The following PTPRK variants were observed in gnomAD, a reference collection of about 807,000 sequenced individuals.
PTPRK encodes protein tyrosine phosphatase receptor type K.
PTPRK carries 75 observed loss-of-function variants against 178.0 expected under a neutral mutation model. The observed-to-expected ratio is 0.42, with a 90% CI of 0.35 to 0.51. The LOEUF is 0.51. PTPRK is among the 20% of genes least tolerant of loss of function. The pLI is 0.02. For synonymous variants in PTPRK, 637 were observed against 620.6 expected (o/e 1.03, Z -0.39); for missense variants, 1,441 against 1,797.8 (o/e 0.80, Z 3.59).
intron 1 of PTPRK, among the ~76,000 whole-genome samples, chr6:128,447,116 T>C (rs1297454710): frequency 6.6e-6 from 1 of 152,202 alleles, no homozygotes; most frequent in East Asian, 1.9e-4. Flanking sequence ...GAAAAAAAGA[T>C]AGCATCACTC....
rs535904121 is a variant in PTPRK, at chr6:128,050,227, G to A, written c.2194+14531C>T. ...AGAGAACTGAACCTAAAGACAGTGA[G>A]CATGCAAGTTGCACAATGATCCTGT... On this transcript the variant is annotated intron_variant, in intron 13 of 29. Coordinates refer to ENST00000368226, the MANE Select transcript of PTPRK (RefSeq NM_002844.4). 4.7e-4 allele frequency among the ~76,000 whole-genome samples: 71 copies of A among 152,268 alleles called. No individual in the cohort carries two copies. The South Asian group carries it at 0.014, about 30-fold the overall frequency.
intron 1 of PTPRK, among the ~76,000 whole-genome samples, chr6:128,438,861 T>C (rs1845939769): frequency 6.6e-6 from 1 of 152,074 alleles, no homozygotes; most frequent in Non-Finnish European, 1.5e-5. Context: ...ACACAAAAAA[T>C]ACTTCCAATA....
At chr6:128,092,391 G>C (rs990512374) in intron 7 of PTPRK, among the ~76,000 whole-genome samples, 10 of 152,058 alleles carry the variant, frequency 6.6e-5, no homozygotes, top group Admixed American at 5.9e-4. Flanking sequence ...ATCAAAACTT[G>C]ATTGTTTTGA....
intron 7 of PTPRK, among the ~76,000 whole-genome samples, chr6:128,142,889 C>A (rs1795977124): frequency 6.6e-6 from 1 of 151,938 alleles, no homozygotes; most frequent in Admixed American, 6.6e-5. Flanking sequence ...TAAACCAAAA[C>A]CAAGTAGAGA....
rs150563283 is a variant in PTPRK, at chr6:128,314,196, T to G, written c.495+7843A>C. Among the ~76,000 whole-genome samples the G allele has an allele frequency of 3.2e-3, 484 of 152,300 alleles. 2 individuals carry two copies. The highest frequency in any genetic ancestry group is 0.011 in the African/African-American group (443 of 41,574). On this transcript the variant is annotated intron_variant, in intron 3 of 29. Coordinates refer to ENST00000368226, the MANE Select transcript of PTPRK (RefSeq NM_002844.4). ...GTTTCTAAGACTTCTGCTTTCATAT[T>G]TTTTAAATTTTAATTATTTCTTTAG...
intron 13 of PTPRK, 62 bp downstream of exon 13, chr6:128,064,696 T>G (rs1781450186): frequency 1.9e-6 from 3 of 1,546,388 alleles, no homozygotes; most frequent in Admixed American, 2.3e-5. Flanking sequence ...GGGAACAAAG[T>G]CCTTCCATTT....
intron 7 of PTPRK, among the ~76,000 whole-genome samples, chr6:128,098,179 C>A (rs573459431): frequency 6.6e-6 from 1 of 152,120 alleles, no homozygotes; most frequent in South Asian, 2.1e-4. Flanking sequence ...AGCTTAAAAG[C>A]TAATGAAAAT....
At chr6:128,005,954 T>G in intron 14 of PTPRK, 2 of 1,194,222 alleles carry the variant, frequency 1.7e-6, no homozygotes, top group Non-Finnish European at 2.3e-6. Flanking sequence ...GCAAGCATTC[T>G]GTTTTGTTTT....
chr6:128,236,404 A>G (rs1813280066), intron 5 of PTPRK, among the ~76,000 whole-genome samples: 1 of 135,254 alleles, frequency 7.4e-6, no homozygotes, highest in Non-Finnish European at 1.5e-5. Flanking sequence ...GCTGGAGTGC[A>G]GTGGCATGAT....
chr6:128,159,696 C>T (rs954664549), intron 7 of PTPRK, among the ~76,000 whole-genome samples: 6 of 151,624 alleles, frequency 4.0e-5, no homozygotes, highest in South Asian at 2.1e-4. Flanking sequence ...TACAGATGGA[C>T]GTAAACTTGT....
chr6:128,393,687 G>C (rs1036763335), intron 2 of PTPRK, among the ~76,000 whole-genome samples: 1 of 152,216 alleles, frequency 6.6e-6, no homozygotes, highest in Non-Finnish European at 1.5e-5. Flanking sequence ...TATTTATTTA[G>C]TAGGGAGGAG....
At chr6:128,120,104 T>C (rs1344068253) in intron 7 of PTPRK, among the ~76,000 whole-genome samples, 1 of 151,996 alleles carries the variant, frequency 6.6e-6, no homozygotes, top group East Asian at 1.9e-4. Context: ...ACTTTTCAAT[T>C]TGATAATATT....
At chr6:128,385,301 G>A (rs1162180161) in intron 2 of PTPRK, among the ~76,000 whole-genome samples, 3 of 151,682 alleles carry the variant, frequency 2.0e-5, no homozygotes, top group Non-Finnish European at 4.4e-5. Context: ...ACAACCGCAG[G>A]GATTCACTTC....
intron 1 of PTPRK, among the ~76,000 whole-genome samples, chr6:128,461,511 C>A (rs958727921): frequency 6.6e-6 from 1 of 151,848 alleles, no homozygotes; most frequent in African/African-American, 2.4e-5. Context: ...GATGAAAGCA[C>A]CTGGCCACAA....
chr6:128,471,604 TA>T (rs34372021), intron 1 of PTPRK, among the ~76,000 whole-genome samples: 8,773 of 63,600 alleles, frequency 0.14, 977 homozygotes, highest in East Asian at 0.58. Context: ...CAAAACAACC[TA>T]AAAAAAAAAA....
chr6:128,512,857 A>C (rs1246508400), intron 1 of PTPRK, among the ~76,000 whole-genome samples: 1 of 152,204 alleles, frequency 6.6e-6, no homozygotes, highest in African/African-American at 2.4e-5. Context: ...TGAGCTCCTT[A>C]CTACAAAGAT....
intron 7 of PTPRK, among the ~76,000 whole-genome samples, chr6:128,157,684 T>C (rs1488125995): frequency 6.6e-6 from 1 of 152,096 alleles, no homozygotes; most frequent in Non-Finnish European, 1.5e-5. Context: ...ATTTCTCTGA[T>C]GGCCAGTGAT....
chr6:128,336,195 T>C, intron 2 of PTPRK, among the ~76,000 whole-genome samples: 1 of 151,998 alleles, frequency 6.6e-6, no homozygotes, highest in East Asian at 1.9e-4. Flanking sequence ...CAGTGTGTTT[T>C]TTTTTTTGTT....
Position 128,089,932 on chromosome 6 carries a change from A to G in PTPRK, c.1223T>C (p.Val408Ala). Residue 408 changes from valine to alanine, a missense_variant, in exon 8 of 30, where the codon GTG (valine) becomes GCG (alanine). By Grantham distance (64) the Val-to-Ala change is moderately conservative (BLOSUM62 0). Coordinates refer to ENST00000368226, the MANE Select transcript of PTPRK (RefSeq NM_002844.4). ...IAEIQARRIA[V>A]DWESLGYNIT... ...GTTGTAACCCAAGGATTCCCAGTCC[A>G]CAGCAATCCGTCTTGCCTGTATTTC... is the stretch of plus-strand genomic sequence containing the variant. 1 of 1,612,304 alleles carries G rather than the reference A, an allele frequency of 6.2e-7. No individual in the cohort carries two copies. Among genetic ancestry groups the G allele is most frequent in the Non-Finnish European group, 8.5e-7 (1 of 1,178,320 alleles).
Sources: allele counts gnomAD v4.1 joint callset (sites outside exome capture counted in the v4.1 genomes callset), GRCh38; gene constraint gnomAD v4.1.1; transcripts MANE v1.5; gene names NCBI Gene and HGNC (gene_info 2026-07-23, HGNC 2026-07-21).